CELF2: variants seen among roughly 807,000 people sequenced by gnomAD.
The protein encoded by CELF2 is CUGBP Elav-like family member 2.
CELF2 carries 8 observed loss-of-function variants against 62.6 expected under a neutral mutation model. The observed-to-expected ratio is 0.13, with a 90% CI of 0.07 to 0.23. The LOEUF (loss-of-function observed/expected upper bound fraction) is 0.23. CELF2 is among the 10% of genes least tolerant of loss of function. The pLI, the probability that CELF2 is intolerant of heterozygous loss-of-function variation, is 1.00. For missense variants in CELF2, 333 were observed against 671.0 expected, an observed-to-expected ratio of 0.50 and a Z score of 5.56; for synonymous variants, 258 against 250.0, an observed-to-expected ratio of 1.03 and a Z score of -0.30.
At chr10:10,592,065 GTACCGACC>G in the CELF2 span, among the ~76,000 whole-genome samples, 1 of 152,090 alleles carries the variant, frequency 6.6e-6, no homozygotes, top group African/African-American at 2.4e-5. Context: ...CAAGTGTGGA[GTACCGACC>G]TATTTATAAA....
the CELF2 span, among the ~76,000 whole-genome samples, chr10:10,608,211 A>G: frequency 6.6e-6 from 1 of 152,218 alleles, no homozygotes; most frequent in African/African-American, 2.4e-5. Context: ...AACCTTGGTT[A>G]TATCATCCTG....
At chr10:11,283,973 G>T in intron 8 of CELF2, among the ~76,000 whole-genome samples, 1 of 145,280 alleles carries the variant, frequency 6.9e-6, no homozygotes, top group Admixed American at 6.8e-5. Flanking sequence ...GTGGGTGGAT[G>T]ACGGATGAGT....
intron 1 of CELF2, among the ~76,000 whole-genome samples, chr10:11,100,383 A>T (rs2051233980): frequency 6.7e-6 from 1 of 149,606 alleles, no homozygotes; most frequent in South Asian, 2.2e-4. Flanking sequence ...TTAAATTTTT[A>T]CTCCAGTAGT....
chr10:10,696,051 G>A, the CELF2 span, among the ~76,000 whole-genome samples: 3 of 151,998 alleles, frequency 2.0e-5, no homozygotes, highest in African/African-American at 7.3e-5. Flanking sequence ...TGCTGGTGAG[G>A]AACTGCGTTC....
intron 1 of CELF2, among the ~76,000 whole-genome samples, chr10:10,899,862 G>A (rs1323149257): frequency 6.6e-6 from 1 of 152,152 alleles, no homozygotes; most frequent in Non-Finnish European, 1.5e-5. Flanking sequence ...AGGGAAATCT[G>A]CCCCCATGAT....
intron 1 of CELF2, among the ~76,000 whole-genome samples, chr10:10,838,257 A>G (rs2058441276): frequency 6.6e-6 from 1 of 152,220 alleles, no homozygotes; most frequent in Admixed American, 6.5e-5. Flanking sequence ...AGAGCACAGA[A>G]GTGAAGGACC....
At chr10:10,603,963 C>A in the CELF2 span, among the ~76,000 whole-genome samples, 1 of 152,304 alleles carries the variant, frequency 6.6e-6, no homozygotes, top group Non-Finnish European at 1.5e-5. Flanking sequence ...AATCCCAGCA[C>A]TTTGGGAGGC....
At chr10:10,754,061 G>GGTTTTT in the CELF2 span, among the ~76,000 whole-genome samples, 6,563 of 84,982 alleles carry the variant, frequency 0.077, 315 homozygotes, top group East Asian at 0.19. Context: ...TGCTGAGGTG[G>GGTTTTT]TTTTTTTTTT....
At chr10:10,509,221 T>C in the CELF2 span, among the ~76,000 whole-genome samples, 1 of 152,170 alleles carries the variant, frequency 6.6e-6, no homozygotes, top group Non-Finnish European at 1.5e-5. Context: ...GGACTGGATA[T>C]TACTCTGTTG....
the CELF2 span, among the ~76,000 whole-genome samples, chr10:10,748,408 T>A: frequency 1.3e-5 from 2 of 152,166 alleles, no homozygotes; most frequent in Non-Finnish European, 2.9e-5. Context: ...GTGCAAATTA[T>A]GTTGCTTTCA....
At chr10:10,676,484 C>A in the CELF2 span, among the ~76,000 whole-genome samples, 72 of 152,304 alleles carry the variant, frequency 4.7e-4, 1 homozygote, top group Admixed American at 9.8e-4. Context: ...TCTCCCCATG[C>A]CAGAAGCAAA....
the CELF2 span, among the ~76,000 whole-genome samples, chr10:10,625,116 C>T: frequency 3.0e-4 from 46 of 152,126 alleles, no homozygotes; most frequent in East Asian, 3.9e-4. Flanking sequence ...CTCCCTGACT[C>T]GTTCTCAGTT....
chr10:11,030,577 GCT>G (rs1401227118), intron 1 of CELF2: 3 of 151,004 alleles, frequency 2.0e-5, no homozygotes, highest in East Asian at 2.0e-4. Context: ...CGAGGTTGCA[GCT>G]CTGTTTCTCA....
chr10:11,035,145 G>A (rs2060746763), intron 1 of CELF2, among the ~76,000 whole-genome samples: 1 of 152,042 alleles, frequency 6.6e-6, no homozygotes, highest in Admixed American at 6.5e-5. Context: ...AAAAGTCTCT[G>A]CGTGGGATTA....
the CELF2 span, among the ~76,000 whole-genome samples, chr10:10,499,810 G>A: frequency 6.6e-6 from 1 of 152,186 alleles, no homozygotes; most frequent in Admixed American, 6.5e-5. Flanking sequence ...CCTGGGAGAT[G>A]GAGGTTGCAG....
chr10:10,579,006 A>G, the CELF2 span, among the ~76,000 whole-genome samples: 1 of 152,180 alleles, frequency 6.6e-6, no homozygotes, highest in African/African-American at 2.4e-5. Context: ...TGCTTTTGAA[A>G]TCTTCCAAAG....
intron 1 of CELF2, among the ~76,000 whole-genome samples, chr10:10,906,214 A>C (rs2063329317): frequency 6.6e-6 from 1 of 152,252 alleles, no homozygotes; most frequent in Admixed American, 6.5e-5. Context: ...TACGTGGTGA[A>C]AATATTCTTA....
At chr10:11,087,025 T>A (rs2046998698) in intron 1 of CELF2, among the ~76,000 whole-genome samples, 1 of 152,044 alleles carries the variant, frequency 6.6e-6, no homozygotes, top group African/African-American at 2.4e-5. Context: ...TTGAGAGACT[T>A]AGGGCCACAG....
At chr10:10,725,235 A>G in the CELF2 span, among the ~76,000 whole-genome samples, 3 of 152,220 alleles carry the variant, frequency 2.0e-5, no homozygotes, top group Non-Finnish European at 4.4e-5. Context: ...ACCTAACAGT[A>G]ATAATATAAC....
Sources: gnomAD v4.1 joint callset for allele counts (sites outside exome capture counted in the v4.1 genomes callset) on GRCh38, gnomAD v4.1.1 for gene constraint, MANE v1.5 for transcripts, NCBI Gene and HGNC (gene_info 2026-07-23, HGNC 2026-07-21) for gene names.